The following DNM2 variants were observed in gnomAD, a reference collection of about 807,000 sequenced individuals.
DNM2 encodes dynamin 2.
In DNM2, 15 loss-of-function variants were observed where a neutral mutation model predicts 99.0. The observed-to-expected ratio is 0.15, with a 90% CI of 0.10 to 0.23. The LOEUF is 0.23. Ranked by LOEUF, DNM2 falls within the 10% of genes least tolerant of loss-of-function variation. The probability of loss-of-function intolerance (pLI) is 1.00; values close to 1 mark genes in which losing one functional copy is unlikely to be tolerated. For missense variants in DNM2, 742 were observed against 1,189.4 expected (o/e 0.62, Z 5.53); for synonymous variants, 525 against 481.2 (o/e 1.09, Z -1.19).
chr19:10,831,566 C>T lies in DNM2; in HGVS notation c.*519C>T. ...AGGCCTGAGGTGTACATAGTCCTTCCCGGCCATATTAACCACACAGCCTGA... is the reference window on the plus strand; with the variant it reads ...AGGCCTGAGGTGTACATAGTCCTTCTCGGCCATATTAACCACACAGCCTGA... On this transcript the variant is annotated 3_prime_UTR_variant, in exon 21 of 21. Coordinates refer to ENST00000389253, the MANE Select transcript of DNM2 (RefSeq NM_001005361.3). This position sits in a 1 kb window ranked among gnomAD's most constrained non-coding sequence, Gnocchi z 4.3. 2.0e-6 allele frequency: 2 copies of T among 986,130 alleles called. No homozygotes were observed. The highest frequency in any genetic ancestry group is 2.4e-6 in the Non-Finnish European group (2 of 830,122). 61.1% of individuals were successfully genotyped at this position (986,130 alleles called of 1,614,324 possible).
chr19:10,727,315 C>T (rs762430908), intron 1 of DNM2, among the ~76,000 whole-genome samples: 2 of 152,002 alleles, frequency 1.3e-5, no homozygotes, highest in Non-Finnish European at 2.9e-5. Flanking sequence ...GGAAGATGGC[C>T]TTGGGGACAG....
At chr19:10,746,178 C>G (rs1235654622) in intron 1 of DNM2, among the ~76,000 whole-genome samples, 3 of 152,168 alleles carry the variant, frequency 2.0e-5, no homozygotes, top group Middle Eastern at 3.2e-3. Context: ...CCAGGCTGCT[C>G]TCGAACTCTG....
intron 8 of DNM2, 139 bp downstream of exon 8, chr19:10,793,994 G>A (rs556603924): frequency 1.5e-5 from 21 of 1,394,664 alleles, no homozygotes; most frequent in Non-Finnish European, 2.1e-5. Context: ...GGTGTGGCCT[G>A]GATGAGGTGT....
At chr19:10,758,738 G>T (rs1284843608) in intron 1 of DNM2, among the ~76,000 whole-genome samples, 1 of 151,648 alleles carries the variant, frequency 6.6e-6, no homozygotes, top group Non-Finnish European at 1.5e-5. Context: ...GTAGAGACGG[G>T]GTTTCGCCAT....
In DNM2 at chr19:10,772,162, C is replaced by G. The variant is rs942945739; in HGVS notation, c.236-317C>G. Among the ~76,000 whole-genome samples the G allele has an allele frequency of 6.6e-6, 1 of 151,916 alleles. No individual in the cohort carries two copies. Among genetic ancestry groups the G allele is most frequent in the Admixed American group, 6.6e-5 (1 of 15,222 alleles). On this transcript the variant is annotated intron_variant, in intron 2 of 20. Coordinates refer to ENST00000389253, the MANE Select transcript of DNM2 (RefSeq NM_001005361.3). This position sits in a 1 kb window ranked among gnomAD's most constrained non-coding sequence, Gnocchi z 4.9. Reference sequence around the variant, plus strand: ...TGGCGCAATCTCGGCTCACTACAACCTCCGCCTCCCGGGTTCAAGCAATTA... The same window carrying G: ...TGGCGCAATCTCGGCTCACTACAACGTCCGCCTCCCGGGTTCAAGCAATTA...
chr19:10,760,896 A>G (rs564287714), intron 2 of DNM2, among the ~76,000 whole-genome samples: 11 of 140,404 alleles, frequency 7.8e-5, no homozygotes, highest in African/African-American at 2.9e-4. Context: ...CCTGGCCTCA[A>G]GCAATCCTCC....
chr19:10,785,239 T>G (rs1322562115), intron 6 of DNM2, among the ~76,000 whole-genome samples: 1 of 151,760 alleles, frequency 6.6e-6, no homozygotes. Context: ...TGCCTCAGCC[T>G]CCCGAGTAGC....
At position 10,830,358 on chromosome 19, in the gene DNM2, G is replaced by A; in HGVS notation, c.2523G>A (p.Gly841=). ...CTCGGCCAGTTCGGATCCCCCCAGGGATTCCCCCAGGAGTGCCCAGGTAAG... is the reference window on the plus strand; with the variant it reads ...CTCGGCCAGTTCGGATCCCCCCAGGAATTCCCCCAGGAGTGCCCAGGTAAG... The part of the protein sequence containing the change: ...IPSRPVRIPP[G]IPPGVPSRRP... The change falls in exon 20 of 21, where the codon GGG becomes GGA. Residue 841 remains glycine (G), a synonymous_variant. Coordinates refer to ENST00000389253, the MANE Select transcript of DNM2 (RefSeq NM_001005361.3). The surrounding 1 kb of genome is among the most constrained non-coding windows in gnomAD (Gnocchi z 4.8). 6.2e-7 allele frequency: 1 copy of A among 1,611,710 alleles called. No homozygotes were observed. The highest frequency in any genetic ancestry group is 8.5e-7 in the Non-Finnish European group (1 of 1,179,746).
chr19:10,797,903 C>T (rs193235970), intron 10 of DNM2, among the ~76,000 whole-genome samples: 4 of 152,236 alleles, frequency 2.6e-5, no homozygotes, highest in Admixed American at 1.3e-4. Context: ...CCATTTTCCC[C>T]GACTCGTGGA....
intron 1 of DNM2, among the ~76,000 whole-genome samples, chr19:10,744,060 A>C (rs1229148603): frequency 2.6e-5 from 4 of 151,736 alleles, no homozygotes; most frequent in Non-Finnish European, 4.4e-5. Context: ...TAGGAGGCTG[A>C]GGCAGGAAAA....
At chr19:10,762,795 C>T (rs2070676961) in intron 2 of DNM2, among the ~76,000 whole-genome samples, 1 of 152,120 alleles carries the variant, frequency 6.6e-6, no homozygotes, top group African/African-American at 2.4e-5. Context: ...GTGACTTGAC[C>T]AGATCCTGTG....
At position 10,772,945 on chromosome 19, in the gene DNM2, G is replaced by A. The variant is rs1395624904; in HGVS notation, c.385+317G>A. Reference sequence around the variant, plus strand: ...AGCCAGATCTGCTGGTGCCTCAAGAGAGGCCAGAACCAGTCTTCTGTAAAA... The same window carrying A: ...AGCCAGATCTGCTGGTGCCTCAAGAAAGGCCAGAACCAGTCTTCTGTAAAA... On this transcript the variant is annotated intron_variant, in intron 3 of 20. Transcript: ENST00000389253. This position sits in a 1 kb window ranked among gnomAD's most constrained non-coding sequence, Gnocchi z 4.9. Among the ~76,000 whole-genome samples the A allele has an allele frequency of 6.6e-6, 1 of 151,330 alleles. No individual in the cohort carries two copies. The highest frequency in any genetic ancestry group is 6.6e-5 in the Admixed American group (1 of 15,114).
In DNM2 at chr19:10,817,824, C is replaced by G. The variant is rs576574472; in HGVS notation, c.1672-2156C>G. On this transcript the variant is annotated intron_variant, in intron 15 of 20. Transcript: ENST00000389253. This position sits in a 1 kb window ranked among gnomAD's most constrained non-coding sequence, Gnocchi z 4.6. ...ACGTGTGTGTGTGTGTGTGCGCGCG[C>G]GCGCACGCGTGCGTGCCGGCAGCAC... Among the ~76,000 whole-genome samples the G allele has an allele frequency of 3.1e-3, 470 of 149,342 alleles. No homozygotes were observed. Among genetic ancestry groups the G allele is most frequent in the African/African-American group, 9.6e-3 (388 of 40,350 alleles).
rs1447417104 is a variant in DNM2 at position 10,786,605 on chromosome 19, T to G, written c.891T>G (p.Arg297=). 1.2e-6 allele frequency: 2 copies of G among 1,613,982 alleles called. No individual in the cohort carries two copies. Among genetic ancestry groups the G allele is most frequent in the Non-Finnish European group, 1.7e-6 (2 of 1,180,018 alleles). ...NHIRESLPAL[R]SKLQSQLLSL... ...TCCGGGAGTCGCTGCCGGCCCTACG[T>G]AGCAAACTACAGAGCCAGCTGCTGT... The change falls in exon 7 of 21, where the codon CGT becomes CGG. Residue 297 remains arginine (R), a synonymous_variant. Coordinates refer to ENST00000389253, the MANE Select transcript of DNM2 (RefSeq NM_001005361.3).
chr19:10,824,162 C>G, intron 17 of DNM2: 1 of 494,648 alleles, frequency 2.0e-6, no homozygotes, highest in South Asian at 2.0e-5. Context: ...TTTTCCCCTT[C>G]CATCCTGAGG....
At chr19:10,821,267 T>C (rs2146165507) in intron 16 of DNM2, among the ~76,000 whole-genome samples, 1 of 152,228 alleles carries the variant, frequency 6.6e-6, no homozygotes, top group Non-Finnish European at 1.5e-5. Context: ...CTGTCCCAGG[T>C]CCCTGAGCCG....
rs774068020 is a variant in DNM2 at position 10,812,284 on chromosome 19, G to T, written c.1578G>T (p.Leu526=). 31 of 1,606,522 alleles carry T rather than the reference G, an allele frequency of 1.9e-5. No homozygotes were observed. Among genetic ancestry groups the T allele is most frequent in the Non-Finnish European group, 2.4e-5 (28 of 1,176,322 alleles). ...CCCAGGTGATCCGCAGGGGCTGGCTGACCATCAACAACATCAGCCTGATGA... is the reference window on the plus strand; with the variant it reads ...CCCAGGTGATCCGCAGGGGCTGGCTTACCATCAACAACATCAGCCTGATGA... ...GEILVIRRGW[L]TINNISLMKG... is the part of the protein sequence containing the mutation. Residue 526 remains leucine (L), a synonymous_variant, in exon 15 of 21, where the codon CTG becomes CTT. Coordinates refer to ENST00000389253, the MANE Select transcript of DNM2 (RefSeq NM_001005361.3). The surrounding 1 kb of genome is among the most constrained non-coding windows in gnomAD (Gnocchi z 4.0).
intron 15 of DNM2, among the ~76,000 whole-genome samples, 187 bp from the exon 16 acceptor site, chr19:10,819,793 A>G (rs1261376414): frequency 6.6e-6 from 1 of 152,130 alleles, no homozygotes; most frequent in Non-Finnish European, 1.5e-5. Context: ...AGGGAGCATC[A>G]TGGAGGGCAG....
chr19:10,744,208 C>G (rs1012167256), intron 1 of DNM2, among the ~76,000 whole-genome samples: 27 of 151,908 alleles, frequency 1.8e-4, no homozygotes, highest in Non-Finnish European at 3.4e-4. Context: ...ATCTGACTTG[C>G]AGTTTTCCAA....
Sources: gnomAD v4.1 joint callset for allele counts (sites outside exome capture counted in the v4.1 genomes callset) on GRCh38, gnomAD v4.1.1 for gene constraint, Gnocchi (gnomAD v3.1) non-coding constraint, MANE v1.5 for transcripts, NCBI Gene and HGNC (gene_info 2026-07-23, HGNC 2026-07-21) for gene names.